Variants in ZFP62 observed in about 807,000 individuals in gnomAD.
The protein encoded by ZFP62 is zinc finger protein 62 homolog.
ZFP62 carries 44 observed loss-of-function variants against 56.4 expected under a neutral mutation model. That is an observed-to-expected ratio of 0.78 (90% CI 0.61 to 1.00). The LOEUF (loss-of-function observed/expected upper bound fraction) is 1.00, where lower values mean the gene tolerates loss of function less well. ZFP62 is among the 50% of genes least tolerant of loss of function. The pLI, the probability that ZFP62 is intolerant of heterozygous loss-of-function variation, is 0.00. For synonymous variants in ZFP62, 421 were observed against 388.9 expected (o/e 1.08, Z -0.97); for missense variants, 1,030 against 1,085.7 (o/e 0.95, Z 0.72).
At chr5:180,861,103 G>A in intron 1 of ZFP62, 116 bp downstream of exon 1, 2 of 398,236 alleles carry the variant, frequency 5.0e-6, no homozygotes, top group East Asian at 3.6e-5. Context: ...GAGGGGGCAC[G>A]CTTACTCCCA....
chr5:180,860,575 C>G (rs1376677580), intron 1 of ZFP62: 1 of 151,668 alleles, frequency 6.6e-6, no homozygotes, highest in Non-Finnish European at 1.5e-5. Flanking sequence ...AGGTCGCCTC[C>G]TCCCCGGTGC....
rs1385200125 is a variant in ZFP62, at chr5:180,850,769, C to T, written c.726G>A (p.Gln242=). ...TCTCCCCAGTGTGGATCCTTTTATG[C>T]TGGTCCAGAACAGAGCTATAATTGA... ...KSFNYSSVLD[Q]HKRIHTGEKP... is the part of the protein sequence containing the mutation. The change falls in exon 2 of 2, where the codon CAG becomes CAA. Residue 242 remains glutamine (Q), a synonymous_variant. Transcript: ENST00000502412. 1 of 1,600,068 alleles carries T rather than the reference C, an allele frequency of 6.2e-7. No individual in the cohort carries two copies. The highest frequency in any genetic ancestry group is 2.3e-5 in the East Asian group (1 of 44,268).
chr5:180,858,391 G>A (rs1413314962), intron 1 of ZFP62, among the ~76,000 whole-genome samples: 3 of 151,916 alleles, frequency 2.0e-5, no homozygotes, highest in African/African-American at 7.3e-5. Flanking sequence ...GATCACTTGA[G>A]GCTAGGAGTT....
At chr5:180,847,000 C>G (rs1239465890), downstream of ZFP62, among the ~76,000 whole-genome samples, 1 of 152,186 alleles carries the variant, frequency 6.6e-6, no homozygotes, top group Admixed American at 6.5e-5. Flanking sequence ...CCACCCTTCC[C>G]CACCGCAGCC....
Position 180,850,228 on chromosome 5 carries a change from AT to A in ZFP62, c.1266del (p.Glu422AspfsTer156), listed in dbSNP as rs1231149046. The A allele has an allele frequency of 2.6e-6, 4 of 1,553,500 alleles. No homozygotes were observed. ...KSIHPGKKAH[E>X]CKECGKSFSY... Reference sequence around the variant, plus strand: ...CTAAAGGATTTCCCACACTCCTTACATTCATGGGCTTTCTTCCCAGGGTGAA... The same window carrying A: ...CTAAAGGATTTCCCACACTCCTTACATCATGGGCTTTCTTCCCAGGGTGAA... On this transcript the variant is annotated frameshift_variant, in exon 2 of 2. Transcript: ENST00000502412. LOFTEE classifies it high-confidence loss of function.
chr5:180,839,146 A>G, the ZFP62 span, among the ~76,000 whole-genome samples: 1 of 152,238 alleles, frequency 6.6e-6, no homozygotes, highest in South Asian at 2.1e-4. Context: ...AAATGTGCCA[A>G]TATCATGTAT....
Position 180,849,690 on chromosome 5 carries a change from C to T in ZFP62, c.1805G>A (p.Arg602Gln), listed in dbSNP as rs199850779. Residue 602 changes from arginine to glutamine, a missense_variant, in exon 2 of 2, where the codon CGA becomes CAA. Physicochemically the swap from Arg to Gln is conservative, Grantham distance 43 (BLOSUM62 1). Transcript: ENST00000502412. ...AACTTTTTTGTGGTTTGTAAGGGTT[C>T]GGTATGTGATGAAGGCCTTCTCACA... ...DECEKAFITY[R>Q]TLTNHKKVHL... The T allele has an allele frequency of 1.6e-4, 255 of 1,550,776 alleles. No homozygotes were observed. Among genetic ancestry groups the T allele is most frequent in the African/African-American group, 2.1e-4 (15 of 72,736 alleles).
chr5:180,845,482 G>T (rs1581954541), downstream of ZFP62, among the ~76,000 whole-genome samples: 1 of 151,764 alleles, frequency 6.6e-6, no homozygotes, highest in Non-Finnish European at 1.5e-5. Flanking sequence ...ATACTTCACT[G>T]ACTCTACACA....
chr5:180,852,843 C>T (rs543841237), intron 1 of ZFP62, among the ~76,000 whole-genome samples: 13 of 152,292 alleles, frequency 8.5e-5, no homozygotes, highest in South Asian at 6.2e-4. Context: ...CTTAAACATT[C>T]GACTTGATTC....
chr5:180,839,853 C>T, the ZFP62 span, among the ~76,000 whole-genome samples: 10 of 152,212 alleles, frequency 6.6e-5, no homozygotes, highest in Admixed American at 1.3e-4. Context: ...GAACTCCCAG[C>T]GCCAAGGACA....
At position 180,849,245 on chromosome 5, in the gene ZFP62, G is replaced by C. The variant is rs984974990; in HGVS notation, c.2250C>G (p.Ile750Met). The C allele has an allele frequency of 6.4e-7, 1 of 1,557,260 alleles. No individual in the cohort carries two copies. The highest frequency in any genetic ancestry group is 8.7e-7 in the Non-Finnish European group (1 of 1,150,324). ...YSSLLSQHKR[I>M]HTGEKPYVCD... ...ACACATAGGGTTTCTCCCCTGTGTGGATCCTCTTGTGCTGAGAAAGGAGAG... is the reference window on the plus strand; with the variant it reads ...ACACATAGGGTTTCTCCCCTGTGTGCATCCTCTTGTGCTGAGAAAGGAGAG... Residue 750 changes from isoleucine (I) to methionine (M), a missense_variant, in exon 2 of 2, where the codon ATC becomes ATG. Transcript: ENST00000502412.
the ZFP62 span, among the ~76,000 whole-genome samples, chr5:180,837,122 T>A: frequency 1.3e-5 from 2 of 152,252 alleles, no homozygotes; most frequent in African/African-American, 4.8e-5. Context: ...TTTCAGGCCA[T>A]CAGCTGGATG....
chr5:180,838,729 G>A, the ZFP62 span, among the ~76,000 whole-genome samples: 3 of 152,164 alleles, frequency 2.0e-5, no homozygotes, highest in African/African-American at 7.2e-5. Flanking sequence ...TTTAAAAAGA[G>A]CATTTGTTAA....
At chr5:180,830,102 A>G in the ZFP62 span, 5 of 151,904 alleles carry the variant, frequency 3.3e-5, no homozygotes, top group African/African-American at 9.7e-5. Flanking sequence ...TGTACTCAGA[A>G]TGGAGGGGCT....
In ZFP62 at chr5:180,849,824, C is replaced by T; in HGVS notation, c.1671G>A (p.Gly557=). The T allele has an allele frequency of 6.4e-7, 1 of 1,551,916 alleles. No homozygotes were observed. The highest frequency in any genetic ancestry group is 2.0e-5 in the Admixed American group (1 of 51,004). The change falls in exon 2 of 2, where the codon GGG becomes GGA. Residue 557 remains glycine (G), a synonymous_variant. Transcript: ENST00000502412. ...ATTCTTCACATTTGTAAGGTCGTTC[C>T]CCAGTGTGGATTCGTTTATGTACTT... ...GLKVHKRIHT[G]ERPYKCEECG...
the ZFP62 span, among the ~76,000 whole-genome samples, chr5:180,833,107 A>T: frequency 2.0e-5 from 3 of 152,148 alleles, no homozygotes; most frequent in Admixed American, 2.0e-4. Flanking sequence ...CCCAAAATTA[A>T]TGTTGAAATC....
intron 1 of ZFP62, among the ~76,000 whole-genome samples, chr5:180,856,816 T>C (rs1774005463): frequency 6.6e-6 from 1 of 150,404 alleles, no homozygotes; most frequent in African/African-American, 2.5e-5. Flanking sequence ...TGGCCGGGCA[T>C]GGTGGTGGGC....
In ZFP62 at chr5:180,848,086, TAAAA is replaced by T; in HGVS notation, c.*702_*705del. On this transcript the variant is annotated 3_prime_UTR_variant, in exon 2 of 2. Coordinates refer to ENST00000502412, the MANE Select transcript of ZFP62 (RefSeq NM_001172638.2). ...CATTATGGGAGTTCATCTGAAACTT[TAAAA>T]AAGTTTCATCCATTCAACTAATGTA... The T allele has an allele frequency of 3.1e-6, 3 of 982,992 alleles. No homozygotes were observed. The highest frequency in any genetic ancestry group is 2.4e-6 in the Non-Finnish European group (2 of 829,906). The allele number at this position is 982,992 out of a possible 1,614,324, so 60.9% of individuals were successfully genotyped here.
At chr5:180,860,122 C>G (rs1302063492) in intron 1 of ZFP62, among the ~76,000 whole-genome samples, 1 of 152,108 alleles carries the variant, frequency 6.6e-6, no homozygotes, top group Non-Finnish European at 1.5e-5. Context: ...GTGAAAGAAT[C>G]AAGGAGTTAG....
Sources: gnomAD v4.1 joint callset for allele counts (sites outside exome capture counted in the v4.1 genomes callset) on GRCh38, gnomAD v4.1.1 for gene constraint, MANE v1.5 for transcripts, NCBI Gene and HGNC (gene_info 2026-07-23, HGNC 2026-07-21) for gene names.